The following GON4L variants were observed in gnomAD, a reference collection of about 807,000 sequenced individuals.
GON4L encodes GON-4-like protein.
GON4L carries 87 observed loss-of-function variants against 211.8 expected under a neutral mutation model. The observed-to-expected ratio is 0.41, with a 90% confidence interval of 0.35 to 0.49. The LOEUF (loss-of-function observed/expected upper bound fraction) is 0.49. Ranked by LOEUF, GON4L falls within the 20% of genes least tolerant of loss-of-function variation. The pLI, the probability that GON4L is intolerant of heterozygous loss-of-function variation, is 0.15. For missense variants in GON4L, 2,155 were observed against 2,659.5 expected, an observed-to-expected ratio of 0.81 and a Z score of 4.17; for synonymous variants, 875 against 962.6, an observed-to-expected ratio of 0.91 and a Z score of 1.68.
In GON4L at chr1:155,822,381, ATGC is replaced by A. The variant is rs1668812578; in HGVS notation, c.790_792del (p.Ala264del). On this transcript the variant is annotated inframe_deletion, in exon 4 of 32. Transcript: ENST00000368331. The stretch of plus-strand genomic sequence containing the variant: ...AGCATGTCATCCAGTTTCAGGTCAT[ATGC>A]CAAGGTCCCTTCTTGACCCCTTCCA... 6.2e-7 allele frequency: 1 copy of A among 1,613,792 alleles called. No individual in the cohort carries two copies. Among genetic ancestry groups the A allele is most frequent in the Non-Finnish European group, 8.5e-7 (1 of 1,179,814 alleles).
chr1:155,777,310 G>C (rs1292466949), intron 15 of GON4L, among the ~76,000 whole-genome samples: 1 of 152,234 alleles, frequency 6.6e-6, no homozygotes. Context: ...GCAGGGCGCA[G>C]TGGCTCACGC....
intron 6 of GON4L, among the ~76,000 whole-genome samples, chr1:155,816,773 T>TAAAAAA (rs34370558): frequency 1.3e-4 from 10 of 78,060 alleles, no homozygotes; most frequent in Admixed American, 2.0e-4. Context: ...TTTTTTTTCT[T>TAAAAAA]AAAAAAAAAA....
intron 16 of GON4L, among the ~76,000 whole-genome samples, 180 bp downstream of exon 16, chr1:155,776,215 G>A (rs146950453): frequency 6.6e-6 from 1 of 152,162 alleles, no homozygotes; most frequent in African/African-American, 2.4e-5. Context: ...CCTTTCATGG[G>A]AATCAGTGGC....
chr1:155,799,739 G>A (rs1666449309), intron 11 of GON4L, among the ~76,000 whole-genome samples: 2 of 152,192 alleles, frequency 1.3e-5, no homozygotes, highest in African/African-American at 2.4e-5. Flanking sequence ...ACAAAATCCT[G>A]AAAGTCAGTT....
At chr1:155,846,983 A>G (rs1033217376) in intron 2 of GON4L, among the ~76,000 whole-genome samples, 2 of 152,184 alleles carry the variant, frequency 1.3e-5, no homozygotes, top group African/African-American at 2.4e-5. Flanking sequence ...CTGGGAAACA[A>G]GAGTGAAACT....
At chr1:155,755,414 T>A (rs1661077429) in intron 27 of GON4L, among the ~76,000 whole-genome samples, 1 of 151,994 alleles carries the variant, frequency 6.6e-6, no homozygotes, top group South Asian at 2.1e-4. Flanking sequence ...ATTCGCAATG[T>A]TACTCTGGCT....
rs564298217 is a variant in GON4L at position 155,801,267 on chromosome 1, A to G, written c.1645+3682T>C. On this transcript the variant is annotated intron_variant, in intron 11 of 31. Coordinates refer to ENST00000368331, the MANE Select transcript of GON4L (RefSeq NM_001282860.2). ...AAATTTCATGTATTTGGATATGTAC[A>G]TTTTTTTCTGGGGGAAGGCTGCATA... Among the ~76,000 whole-genome samples the G allele has an allele frequency of 2.6e-5, 4 of 152,172 alleles. No individual in the cohort carries two copies. The East Asian group carries it at 7.7e-4, about 29-fold the overall frequency.
intron 24 of GON4L, among the ~76,000 whole-genome samples, chr1:155,759,695 T>A (rs1309881729): frequency 6.6e-6 from 1 of 151,644 alleles, no homozygotes; most frequent in African/African-American, 2.4e-5. Flanking sequence ...TTAACCCCAA[T>A]AAAACTCTTA....
intron 2 of GON4L, among the ~76,000 whole-genome samples, chr1:155,829,966 T>A (rs1029025830): frequency 6.6e-6 from 1 of 151,920 alleles, no homozygotes; most frequent in African/African-American, 2.4e-5. Flanking sequence ...TTTTTTTTTT[T>A]TCCAGACAGA....
At chr1:155,777,883 C>T (rs371436023) in intron 14 of GON4L, 63 bp from the exon 15 acceptor site, 20 of 962,286 alleles carry the variant, frequency 2.1e-5, no homozygotes, top group South Asian at 7.7e-5. Context: ...ACATCCAATT[C>T]GTTCCAATGA....
chr1:155,836,587 C>G (rs1042591222), intron 2 of GON4L, among the ~76,000 whole-genome samples: 1 of 152,144 alleles, frequency 6.6e-6, no homozygotes, highest in Non-Finnish European at 1.5e-5. Context: ...CTCTTTCACT[C>G]TCCTCTCCCT....
upstream of GON4L, chr1:155,859,336 G>A (rs1487798588): frequency 3.9e-5 from 7 of 177,384 alleles, no homozygotes; most frequent in Non-Finnish European, 8.4e-5. Flanking sequence ...GAACCACAGC[G>A]CGTCAGTGGG....
At chr1:155,821,750 T>C (rs1487615286) in intron 4 of GON4L, among the ~76,000 whole-genome samples, 1 of 152,182 alleles carries the variant, frequency 6.6e-6, no homozygotes, top group Non-Finnish European at 1.5e-5. Context: ...TTTCAAACAA[T>C]GTAGCAGCAA....
intron 27 of GON4L, among the ~76,000 whole-genome samples, chr1:155,755,538 C>T (rs997828284): frequency 3.3e-5 from 5 of 152,074 alleles, no homozygotes; most frequent in Non-Finnish European, 7.4e-5. Flanking sequence ...ATCAACTCCT[C>T]ACATCGCCTG....
chr1:155,749,031 ATCAC>A (rs1218646331), downstream of GON4L, among the ~76,000 whole-genome samples: 111 of 152,302 alleles, frequency 7.3e-4, no homozygotes, highest in Non-Finnish European at 2.9e-4. Context: ...AGGTGGGCAG[ATCAC>A]CTGAGGCCAG....
intron 10 of GON4L, among the ~76,000 whole-genome samples, chr1:155,808,113 T>C (rs143104405): frequency 0.014 from 2,154 of 152,116 alleles, 22 homozygotes; most frequent in Middle Eastern, 0.027. Flanking sequence ...CTCAGCTCAC[T>C]GCAACCTCCA....
Position 155,827,699 on chromosome 1 carries a change from C to A in GON4L, c.506-671G>T, listed in dbSNP as rs80030582. Among the ~76,000 whole-genome samples, 744 of 146,302 alleles carry A rather than the reference C, an allele frequency of 5.1e-3. 6 individuals are homozygous for A. Among genetic ancestry groups the A allele is most frequent in the African/African-American group, 0.02 (721 of 36,792 alleles). Reference sequence around the variant, plus strand: ...AGACCCCGTCACACACACACACACACAAAAAAAAAAGCCAGGTGCTTATAG... The same window carrying A: ...AGACCCCGTCACACACACACACACAAAAAAAAAAAAGCCAGGTGCTTATAG... On this transcript the variant is annotated intron_variant, in intron 2 of 31. Transcript: ENST00000368331.
intron 19 of GON4L, among the ~76,000 whole-genome samples, chr1:155,770,781 T>C (rs777934096): frequency 3.9e-5 from 6 of 152,108 alleles, no homozygotes; most frequent in Non-Finnish European, 5.9e-5. Flanking sequence ...GGAGAATCGC[T>C]TGAACCTGGG....
chr1:155,827,194 T>A (rs1220404791), intron 2 of GON4L, among the ~76,000 whole-genome samples, 166 bp from the exon 3 acceptor site: 2 of 152,212 alleles, frequency 1.3e-5, no homozygotes, highest in Non-Finnish European at 2.9e-5. Flanking sequence ...TCCAATTTAC[T>A]CATCTGTAAA....
Sources: allele counts gnomAD v4.1 joint callset (sites outside exome capture counted in the v4.1 genomes callset), GRCh38; gene constraint gnomAD v4.1.1; transcripts MANE v1.5; gene names NCBI Gene and HGNC (gene_info 2026-07-23, HGNC 2026-07-21).